Variants in XCR1 observed in about 807,000 individuals in gnomAD.
XCR1 encodes the protein X-C motif chemokine receptor 1.
For synonymous variants in XCR1, 187 were observed against 188.5 expected (o/e 0.99, Z 0.06); for missense variants, 356 against 424.2 (o/e 0.84, Z 1.41).
intron 5 of XCR1, among the ~76,000 whole-genome samples, chr3:46,034,907 T>C (rs1034264746): frequency 2.0e-4 from 31 of 152,192 alleles, no homozygotes; most frequent in Admixed American, 2.0e-3. Context: ...GATAATGAGA[T>C]GCCAGACCCT....
At chr3:46,022,013 T>G in intron 1 of XCR1, 35 bp from the exon 2 acceptor site, 2 of 1,534,392 alleles carry the variant, frequency 1.3e-6, no homozygotes, top group East Asian at 2.3e-5. Flanking sequence ...TAAAGCCATG[T>G]GGTGGCTGGG....
intron 5 of XCR1, among the ~76,000 whole-genome samples, chr3:46,032,872 A>G (rs1007087559): frequency 1.3e-5 from 2 of 152,192 alleles, no homozygotes; most frequent in Non-Finnish European, 2.9e-5. Flanking sequence ...TAATTCTATA[A>G]TGACATATGA....
At chr3:46,025,630 T>C (rs1708272951) in intron 1 of XCR1, among the ~76,000 whole-genome samples, 1 of 152,236 alleles carries the variant, frequency 6.6e-6, no homozygotes, top group Admixed American at 6.5e-5. Flanking sequence ...TGGGATGATA[T>C]GGCAAATGTG....
intron 4 of XCR1, among the ~76,000 whole-genome samples, chr3:46,064,489 G>A (rs1234302853): frequency 6.6e-6 from 1 of 152,162 alleles, no homozygotes; most frequent in Non-Finnish European, 1.5e-5. Context: ...ACTGAGAGAT[G>A]AAGTCCAATT....
intron 4 of XCR1, among the ~76,000 whole-genome samples, chr3:46,054,519 A>G (rs1329392983): frequency 6.7e-6 from 1 of 148,562 alleles, no homozygotes; most frequent in African/African-American, 2.6e-5. Context: ...AGAGTGTGGA[A>G]TGGTAGACAA....
chr3:46,020,967 A>G lies in XCR1; in HGVS notation c.981T>C (p.Tyr327=). ...SIPHSPGAFA[Y]EGASFY ...CCCCTCAGTAGAAGGAGGCGCCCTC[A>G]TAGGCGAAGGCACCAGGGGAGTGGG... Residue 327 remains tyrosine (Y), a synonymous_variant, in exon 2 of 2, where the codon TAT becomes TAC. Coordinates refer to ENST00000309285, the MANE Select transcript of XCR1 (RefSeq NM_001024644.2). 2 of 1,612,612 alleles carry G rather than the reference A, an allele frequency of 1.2e-6. No individual in the cohort carries two copies. Among genetic ancestry groups the G allele is most frequent in the South Asian group, 1.1e-5 (1 of 90,796 alleles).
rs764067292 is a variant in XCR1 at position 46,018,149 on chromosome 3, G to A, written c.*2797C>T. ...TATTAGGGATGCCAAAACATCACTG[G>A]AAGTATAAAGAGTCAGATATGAAAC... is the stretch of plus-strand genomic sequence containing the variant. On this transcript the variant is annotated 3_prime_UTR_variant, in exon 2 of 2. Coordinates refer to ENST00000309285, the MANE Select transcript of XCR1 (RefSeq NM_001024644.2). The A allele has an allele frequency of 3.3e-5, 5 of 152,184 alleles. No individual in the cohort carries two copies. The highest frequency in any genetic ancestry group is 9.7e-5 in the African/African-American group (4 of 41,440). 9.4% of individuals were successfully genotyped at this position (152,184 alleles called of 1,614,324 possible).
In XCR1 at chr3:46,069,153, A is replaced by G. The variant is rs1298246844; in HGVS notation, c.-262-2175T>C. 2.0e-5 allele frequency among the ~76,000 whole-genome samples: 3 copies of G among 152,214 alleles called. No individual in the cohort carries two copies. The East Asian group carries it at 5.8e-4, about 29-fold the overall frequency. On this transcript the variant is annotated intron_variant, in intron 3 of 5. Coordinates refer to the XCR1 transcript ENST00000683768. ...TCACTAAATGCTTACATTAAAAAAG[A>G]GAAAATGTCTCACATAAATAATCTA...
upstream of XCR1, among the ~76,000 whole-genome samples, chr3:46,029,873 G>T (rs556914346): frequency 6.6e-6 from 1 of 152,196 alleles, no homozygotes; most frequent in Non-Finnish European, 1.5e-5. Flanking sequence ...TCAGTGAGTA[G>T]ATTTTGTGCA....
In XCR1 at chr3:46,060,372, T is replaced by C. The variant is rs534418649; in HGVS notation, c.-182-6302A>G. Among the ~76,000 whole-genome samples the C allele has an allele frequency of 5.9e-5, 9 of 152,334 alleles. No homozygotes were observed. In the East Asian group the frequency reaches 1.7e-3, roughly 29 times the overall value. ...TAATCACAGGACATGGTAGTACTAA[T>C]AGGTGCCCTAAGGAATCTCTTGTAT... On this transcript the variant is annotated intron_variant, in intron 4 of 5. Coordinates refer to the XCR1 transcript ENST00000683768.
chr3:46,077,661 C>T (rs1397643799), intron 1 of XCR1, among the ~76,000 whole-genome samples: 1 of 152,126 alleles, frequency 6.6e-6, no homozygotes, highest in Non-Finnish European at 1.5e-5. Flanking sequence ...ACTGCTGTAG[C>T]TCAACAACAT....
Position 46,020,976 on chromosome 3 carries a change from G to A in XCR1, c.972C>T (p.Ala324=), listed in dbSNP as rs1390786256. The A allele has an allele frequency of 6.2e-7, 1 of 1,612,656 alleles. No homozygotes were observed. The highest frequency in any genetic ancestry group is 1.7e-5 in the Admixed American group (1 of 59,836). The change falls in exon 2 of 2, where the codon GCC becomes GCT. Residue 324 remains alanine, a synonymous_variant. Coordinates refer to ENST00000309285, the MANE Select transcript of XCR1 (RefSeq NM_001024644.2). ...AGAAGGAGGCGCCCTCATAGGCGAA[G>A]GCACCAGGGGAGTGGGGGATCGAGG... ...SPASIPHSPG[A]FAYEGASFY
At chr3:46,044,245 C>A (rs1204043841) in intron 5 of XCR1, among the ~76,000 whole-genome samples, 1 of 152,162 alleles carries the variant, frequency 6.6e-6, no homozygotes. Context: ...CTTTGGCCTC[C>A]CAAAGTGCTG....
Position 46,074,287 on chromosome 3 carries a change from A to G in XCR1, c.-263+364T>C, listed in dbSNP as rs147218949. 3.8e-3 allele frequency among the ~76,000 whole-genome samples: 527 copies of G among 139,846 alleles called. 4 individuals are homozygous for G. The highest frequency in any genetic ancestry group is 0.014 in the African/African-American group (484 of 35,506). 91.7% of individuals were successfully genotyped at this position (139,846 alleles called of 152,430 possible). On this transcript the variant is annotated intron_variant, in intron 3 of 5. Transcript: ENST00000683768. ...TGCCCAGGCTAGAGTGCAATGGCAC[A>G]ATCATGACTCATTGCAGCCTCAACC...
chr3:46,023,370 C>T, intron 1 of XCR1: 1 of 1,427,932 alleles, frequency 7.0e-7, no homozygotes, highest in Non-Finnish European at 9.8e-7. Flanking sequence ...TAGCTGCAGG[C>T]AAATACGAAG....
intron 3 of XCR1, among the ~76,000 whole-genome samples, chr3:46,074,214 C>CTTTTT (rs35124592): frequency 2.9e-4 from 25 of 86,664 alleles, no homozygotes; most frequent in African/African-American, 9.5e-4. Flanking sequence ...TGAAGGCCAT[C>CTTTTT]TTTTTTTTTT....
intron 5 of XCR1, among the ~76,000 whole-genome samples, chr3:46,043,303 G>T (rs370508359): frequency 1.3e-5 from 2 of 151,796 alleles, no homozygotes; most frequent in East Asian, 1.9e-4. Context: ...TAGCCAACAC[G>T]GTGGTCTATA....
At chr3:46,028,988 T>C (rs969802563), upstream of XCR1, among the ~76,000 whole-genome samples, 4 of 152,234 alleles carry the variant, frequency 2.6e-5, no homozygotes, top group African/African-American at 9.6e-5. Context: ...AGTCAGGTTA[T>C]AGGGATTTAT....
intron 1 of XCR1, chr3:46,023,534 G>A (rs1708213210): frequency 2.6e-6 from 4 of 1,557,200 alleles, no homozygotes; most frequent in African/African-American, 1.4e-5. Flanking sequence ...AGGGCCCAGC[G>A]TGAGGAAAGA....
Sources: gnomAD v4.1 joint callset for allele counts (sites outside exome capture counted in the v4.1 genomes callset) on GRCh38, gnomAD v4.1.1 for gene constraint, MANE v1.5 for transcripts, NCBI Gene and HGNC (gene_info 2026-07-23, HGNC 2026-07-21) for gene names.